Variants in EHMT1 observed in about 807,000 individuals in gnomAD.
EHMT1 encodes the protein euchromatic histone lysine methyltransferase 1.
EHMT1 carries 15 observed loss-of-function variants against 147.2 expected under a neutral mutation model. That is an observed-to-expected ratio of 0.10 (90% CI 0.07 to 0.16). The LOEUF is 0.16. Ranked by LOEUF, EHMT1 falls within the 10% of genes least tolerant of loss-of-function variation. The probability of loss-of-function intolerance (pLI) is 1.00; values close to 1 mark genes in which losing one functional copy is unlikely to be tolerated. For missense variants in EHMT1, 1,587 were observed against 1,772.4 expected, an observed-to-expected ratio of 0.90 and a Z score of 1.88; for synonymous variants, 795 against 709.6, an observed-to-expected ratio of 1.12 and a Z score of -1.91.
At position 137,681,760 on chromosome 9, in the gene EHMT1, C is replaced by T. The variant is rs529541996; in HGVS notation, c.22-29207C>T. On this transcript the variant is annotated intron_variant, in intron 1 of 26. Coordinates refer to ENST00000460843, the MANE Select transcript of EHMT1 (RefSeq NM_024757.5). The stretch of plus-strand genomic sequence containing the variant: ...TCGCACACACTCATTCTGCTTTTCC[C>T]TCCTGTATTTTGACCAGATCTGACT... Among the ~76,000 whole-genome samples the T allele has an allele frequency of 2.6e-5, 4 of 152,262 alleles. No homozygotes were observed. In the East Asian group the frequency reaches 7.7e-4, roughly 29 times the overall value.
intron 1 of EHMT1, among the ~76,000 whole-genome samples, chr9:137,638,700 A>C (rs1844263105): frequency 6.6e-6 from 1 of 152,178 alleles, no homozygotes; most frequent in South Asian, 2.1e-4. Flanking sequence ...ATCATAGTTG[A>C]GTAGGGTAGG....
At chr9:137,686,615 C>T (rs1942458369) in intron 1 of EHMT1, among the ~76,000 whole-genome samples, 1 of 152,000 alleles carries the variant, frequency 6.6e-6, no homozygotes, top group South Asian at 2.1e-4. Flanking sequence ...ATCTGGAACT[C>T]CTGGCCTCAA....
At chr9:137,766,432 T>C (rs1040626307) in intron 10 of EHMT1, among the ~76,000 whole-genome samples, 1 of 152,134 alleles carries the variant, frequency 6.6e-6, no homozygotes, top group African/African-American at 2.4e-5. Context: ...GTGGCCAACA[T>C]GGGGAAACAC....
intron 10 of EHMT1, chr9:137,763,396 G>A (rs761266945): frequency 2.2e-5 from 4 of 184,392 alleles, no homozygotes; most frequent in South Asian, 1.2e-4. Context: ...TCAGAGCCTC[G>A]TGACCATGGC....
At chr9:137,808,676 T>TGGGGGGGGGGG (rs147011444) in intron 18 of EHMT1, among the ~76,000 whole-genome samples, 3 of 58,416 alleles carry the variant, frequency 5.1e-5, no homozygotes, top group African/African-American at 1.1e-4. Context: ...GGGCGGGGGG[T>TGGGGGGGGGGG]GGGGGGGGCG....
At chr9:137,717,557 G>T (rs553462524) in intron 3 of EHMT1, among the ~76,000 whole-genome samples, 1 of 143,880 alleles carries the variant, frequency 7.0e-6, no homozygotes, top group African/African-American at 2.6e-5. Flanking sequence ...AGTGAGCCCG[G>T]ATCACCTCAC....
At chr9:137,636,678 T>C (rs76824943) in intron 1 of EHMT1, among the ~76,000 whole-genome samples, 1,839 of 152,276 alleles carry the variant, frequency 0.012, 30 homozygotes, top group African/African-American at 0.042. Flanking sequence ...TTTATTGATA[T>C]GGTGTCTTAC....
rs61117230 is a variant in EHMT1, at chr9:137,823,560, C to T, written c.3540+5422C>T. ...CCAAGTAGCTGGGACTACAGGTGCC[C>T]GCCACCACGCCCAGCTAATTTTTTG... On this transcript the variant is annotated intron_variant, in intron 25 of 26. Coordinates refer to ENST00000460843, the MANE Select transcript of EHMT1 (RefSeq NM_024757.5). The T allele has an allele frequency of 6.9e-3, 1,663 of 239,638 alleles. 33 individuals are homozygous for T. Among genetic ancestry groups the T allele is most frequent in the African/African-American group, 0.037 (1,513 of 41,300 alleles). The allele number at this position is 239,638 out of a possible 1,614,324, so 14.8% of individuals were successfully genotyped here. A position where few individuals can be genotyped will look rare whatever the true frequency, so the allele number is the denominator to read the frequency against.
At chr9:137,816,464 G>GCCGACCACC in intron 23 of EHMT1, 1 of 336,006 alleles carries the variant, frequency 3.0e-6, no homozygotes, top group South Asian at 2.4e-5. Flanking sequence ...CTAACAGTGA[G>GCCGACCACC]GTGATGTCCC....
intron 4 of EHMT1, 155 bp from the exon 5 acceptor site, chr9:137,743,216 G>C: frequency 1.3e-6 from 1 of 799,218 alleles, no homozygotes; most frequent in Non-Finnish European, 2.0e-6. Context: ...GCCTGTCACT[G>C]TGCTGATGAC....
intron 3 of EHMT1, among the ~76,000 whole-genome samples, chr9:137,727,198 T>A (rs1289071634): frequency 6.6e-6 from 1 of 152,200 alleles, no homozygotes; most frequent in African/African-American, 2.4e-5. Context: ...CCCAGACTCA[T>A]CTTGAACTCC....
In EHMT1 at chr9:137,790,214, C is replaced by G. The variant is rs114791228; in HGVS notation, c.2383-634C>G. On this transcript the variant is annotated intron_variant, in intron 15 of 26. Transcript: ENST00000460843. Reference sequence around the variant, plus strand: ...AAATTAAATACTAGGTCTTTGTCATCTAAGAAGTTTTTCCTCATGGAGAAA... The same window carrying G: ...AAATTAAATACTAGGTCTTTGTCATGTAAGAAGTTTTTCCTCATGGAGAAA... Among the ~76,000 whole-genome samples, 1,423 of 152,312 alleles carry G rather than the reference C, an allele frequency of 9.3e-3. 18 individuals are homozygous for G. Among genetic ancestry groups the G allele is most frequent in the African/African-American group, 0.031 (1,282 of 41,562 alleles).
intron 1 of EHMT1, among the ~76,000 whole-genome samples, chr9:137,705,200 C>T (rs1399407064): frequency 6.6e-6 from 1 of 152,134 alleles, no homozygotes; most frequent in Admixed American, 6.5e-5. Context: ...ACTGTTTTGT[C>T]TAGGCTGGTC....
intron 1 of EHMT1, among the ~76,000 whole-genome samples, chr9:137,700,588 G>A (rs1943750195): frequency 6.6e-6 from 1 of 152,158 alleles, no homozygotes; most frequent in African/African-American, 2.4e-5. Context: ...TTCTCAAAAG[G>A]TTTGATTTGT....
At chr9:137,817,256 G>A in intron 23 of EHMT1, 183 bp from the exon 24 acceptor site, 2 of 696,288 alleles carry the variant, frequency 2.9e-6, no homozygotes, top group Non-Finnish European at 2.5e-6. Context: ...TGATCCCCGG[G>A]TTCTTGGCTC....
chr9:137,803,684 C>T (rs769866740), intron 18 of EHMT1, among the ~76,000 whole-genome samples: 7 of 152,050 alleles, frequency 4.6e-5, no homozygotes, highest in Non-Finnish European at 1.0e-4. Flanking sequence ...CTAGGCTTAA[C>T]ATTTTCAGAG....
chr9:137,765,264 G>A (rs565661760), intron 10 of EHMT1, among the ~76,000 whole-genome samples: 3 of 152,280 alleles, frequency 2.0e-5, no homozygotes, highest in Non-Finnish European at 2.9e-5. Context: ...AGCTTCAGCC[G>A]GGATTGGCAG....
At chr9:137,743,274 G>A in intron 4 of EHMT1, 97 bp from the exon 5 acceptor site, 1 of 1,479,682 alleles carries the variant, frequency 6.8e-7, no homozygotes, top group Non-Finnish European at 9.0e-7. Context: ...TGATTTTGGT[G>A]ATCAAGTTTT....
intron 3 of EHMT1, among the ~76,000 whole-genome samples, chr9:137,722,737 T>G (rs1448539207): frequency 1.3e-5 from 2 of 149,118 alleles, no homozygotes; most frequent in Non-Finnish European, 1.5e-5. Context: ...CGGCAGAGAC[T>G]GTGGCGGTAG....
Sources: gnomAD v4.1 joint callset for allele counts (sites outside exome capture counted in the v4.1 genomes callset) on GRCh38, gnomAD v4.1.1 for gene constraint, MANE v1.5 for transcripts, NCBI Gene and HGNC (gene_info 2026-07-23, HGNC 2026-07-21) for gene names.